Variants in STRN observed in about 807,000 individuals in gnomAD.
The protein encoded by STRN is striatin.
Under a neutral mutation model 96.3 loss-of-function variants are expected in STRN, and 53 were observed. The observed-to-expected ratio is 0.55, with a 90% CI of 0.44 to 0.69. The LOEUF (loss-of-function observed/expected upper bound fraction) is 0.69, where lower values mean the gene tolerates loss of function less well. STRN is among the 30% of genes least tolerant of loss of function. The probability of loss-of-function intolerance (pLI) is 0.00; values close to 1 mark genes in which losing one functional copy is unlikely to be tolerated. For synonymous variants in STRN, 428 were observed against 355.9 expected, an observed-to-expected ratio of 1.20 and a Z score of -2.28; for missense variants, 987 against 963.9, an observed-to-expected ratio of 1.02 and a Z score of -0.32.
chr2:36,917,617 C>G (rs751124171), intron 2 of STRN, among the ~76,000 whole-genome samples: 4 of 150,058 alleles, frequency 2.7e-5, no homozygotes, highest in Non-Finnish European at 5.9e-5. Context: ...ATACTGAAAT[C>G]TTTCTTATTT....
At chr2:36,873,717 C>T (rs893131497) in intron 10 of STRN, among the ~76,000 whole-genome samples, 3 of 149,234 alleles carry the variant, frequency 2.0e-5, no homozygotes, top group Non-Finnish European at 3.0e-5. Flanking sequence ...GGCTGAGGTG[C>T]GTGGATGATG....
chr2:36,964,935 A>G (rs1467126343), intron 1 of STRN, among the ~76,000 whole-genome samples: 1 of 152,190 alleles, frequency 6.6e-6, no homozygotes, highest in African/African-American at 2.4e-5. Flanking sequence ...AATACATGAT[A>G]AAACTGAAAC....
At chr2:36,880,994 C>T (rs1340061011) in intron 9 of STRN, among the ~76,000 whole-genome samples, 5 of 152,042 alleles carry the variant, frequency 3.3e-5, no homozygotes, top group Non-Finnish European at 5.9e-5. Context: ...TCCTAAGGAG[C>T]CTTAGAACTT....
chr2:36,891,911 CT>C (rs1277993071), intron 7 of STRN, among the ~76,000 whole-genome samples: 1 of 152,038 alleles, frequency 6.6e-6, no homozygotes, highest in Non-Finnish European at 1.5e-5. Flanking sequence ...AGGTATCTTA[CT>C]TTTTTTCATT....
intron 7 of STRN, among the ~76,000 whole-genome samples, chr2:36,888,633 A>G (rs1362120109): frequency 1.0e-5 from 1 of 95,832 alleles, no homozygotes; most frequent in Non-Finnish European, 2.3e-5. Context: ...TGGGTTTTTA[A>G]TTTATATGTG....
intron 1 of STRN, among the ~76,000 whole-genome samples, chr2:36,931,160 C>G (rs1237229313): frequency 6.6e-6 from 1 of 152,096 alleles, no homozygotes; most frequent in African/African-American, 2.4e-5. Context: ...TTTTACTCCA[C>G]AGAAGTTTGG....
At chr2:36,892,541 T>C (rs1669428080) in intron 7 of STRN, among the ~76,000 whole-genome samples, 1 of 152,172 alleles carries the variant, frequency 6.6e-6, no homozygotes, top group Non-Finnish European at 1.5e-5. Context: ...AAGATAACAA[T>C]TAGCTGCAAA....
rs1388316261 is a variant in STRN, at chr2:36,845,312, A to G, written c.*4144T>C. ...TCAGTCTGATTTGTGACATCTTAAT[A>G]CAATATAACTTAAATGACAAAGCCT... is the stretch of plus-strand genomic sequence containing the variant. On this transcript the variant is annotated 3_prime_UTR_variant, in exon 18 of 18. Coordinates refer to ENST00000263918, the MANE Select transcript of STRN (RefSeq NM_003162.4). 6.6e-6 allele frequency: 1 copy of G among 152,206 alleles called. No homozygotes were observed. The highest frequency in any genetic ancestry group is 2.4e-5 in the African/African-American group (1 of 41,460). 9.4% of individuals were successfully genotyped at this position (152,206 alleles called of 1,614,324 possible). A position where few individuals can be genotyped will look rare whatever the true frequency, so the allele number is the denominator to read the frequency against.
At chr2:36,867,007 G>T (rs751771850) in intron 12 of STRN, among the ~76,000 whole-genome samples, 1 of 152,092 alleles carries the variant, frequency 6.6e-6, no homozygotes, top group Admixed American at 6.6e-5. Flanking sequence ...TTTAATTGGG[G>T]CATTTAGCCC....
chr2:36,849,748 T>C lies in STRN; in HGVS notation c.2139A>G (p.Ala713=). ...VAHLEAVTSL[A]VDPNGLYLMS... ...TCAAGTAAAGGCCATTGGGATCAAC[T>C]GCTAAACTTGTAACAGCTTCTAGGT... The change falls in exon 17 of 18, where the codon GCA becomes GCG. Residue 713 remains alanine, a synonymous_variant. Coordinates refer to ENST00000263918, the MANE Select transcript of STRN (RefSeq NM_003162.4). 2 of 1,614,160 alleles carry C rather than the reference T, an allele frequency of 1.2e-6. No individual in the cohort carries two copies. Among genetic ancestry groups the C allele is most frequent in the Non-Finnish European group, 1.7e-6 (2 of 1,180,006 alleles).
intron 11 of STRN, 65 bp from the exon 12 acceptor site, chr2:36,867,926 C>T: frequency 7.8e-7 from 1 of 1,283,102 alleles, no homozygotes; most frequent in South Asian, 1.5e-5. Flanking sequence ...AAACATATGT[C>T]ATAAAATTGT....
At chr2:36,907,434 G>C (rs1265425085) in intron 3 of STRN, among the ~76,000 whole-genome samples, 1 of 152,020 alleles carries the variant, frequency 6.6e-6, no homozygotes, top group Non-Finnish European at 1.5e-5. Context: ...CTGTTTCCCA[G>C]CTACTCAGGA....
intron 2 of STRN, among the ~76,000 whole-genome samples, chr2:36,917,550 A>G (rs796486653): frequency 1.4e-4 from 21 of 151,544 alleles, no homozygotes; most frequent in African/African-American, 5.1e-4. Flanking sequence ...AAAAAAAAAA[A>G]AAAGAAAAAA....
chr2:36,878,250 A>G (rs1423597624), intron 9 of STRN, among the ~76,000 whole-genome samples: 2 of 152,242 alleles, frequency 1.3e-5, no homozygotes, highest in Non-Finnish European at 2.9e-5. Flanking sequence ...AAAGTAAAAC[A>G]TGAAACAAAT....
intron 1 of STRN, among the ~76,000 whole-genome samples, chr2:36,960,631 T>C (rs1268865951): frequency 6.6e-6 from 1 of 152,150 alleles, no homozygotes; most frequent in Non-Finnish European, 1.5e-5. Context: ...AACTTACACA[T>C]GAGAAAACTA....
chr2:36,954,688 G>A (rs1015691605), intron 1 of STRN, among the ~76,000 whole-genome samples: 1 of 151,142 alleles, frequency 6.6e-6, no homozygotes, highest in African/African-American at 2.4e-5. Flanking sequence ...CTGGAGTGGA[G>A]TGAAATGGCG....
intron 1 of STRN, among the ~76,000 whole-genome samples, chr2:36,937,262 T>C (rs1369224702): frequency 6.8e-6 from 1 of 147,342 alleles, no homozygotes; most frequent in Non-Finnish European, 1.5e-5. Context: ...GAGAATCGCA[T>C]GAACCGGGGA....
At chr2:36,862,779 G>C (rs1257135265) in intron 12 of STRN, among the ~76,000 whole-genome samples, 1 of 151,350 alleles carries the variant, frequency 6.6e-6, no homozygotes, top group Non-Finnish European at 1.5e-5. Context: ...CTGTCACCCA[G>C]GCTGGAGTGC....
At chr2:36,952,223 A>C (rs1664771144) in intron 1 of STRN, among the ~76,000 whole-genome samples, 1 of 152,198 alleles carries the variant, frequency 6.6e-6, no homozygotes, top group Non-Finnish European at 1.5e-5. Context: ...ATACCATTTT[A>C]ACATCTTTTC....
Sources: gnomAD v4.1 joint callset for allele counts (sites outside exome capture counted in the v4.1 genomes callset) on GRCh38, gnomAD v4.1.1 for gene constraint, MANE v1.5 for transcripts, NCBI Gene and HGNC (gene_info 2026-07-23, HGNC 2026-07-21) for gene names.